The following YEATS2 variants were observed in gnomAD, a reference collection of about 807,000 sequenced individuals.
The protein encoded by YEATS2 is YEATS domain-containing protein 2.
A neutral mutation model predicts 163.2 loss-of-function variants in YEATS2; 77 were observed. The ratio of observed to expected loss-of-function variants is 0.47; its 90% CI spans 0.39 to 0.57. YEATS2 has a LOEUF of 0.57. Among genes scored for constraint, YEATS2 ranks in the 20% least tolerant of loss-of-function variants. The pLI is 0.00. For missense variants in YEATS2, 1,549 were observed against 1,729.8 expected, an observed-to-expected ratio of 0.90 and a Z score of 1.85; for synonymous variants, 631 against 645.1, an observed-to-expected ratio of 0.98 and a Z score of 0.33.
At chr3:183,775,378 A>G (rs1722878115) in intron 17 of YEATS2, among the ~76,000 whole-genome samples, 2 of 152,178 alleles carry the variant, frequency 1.3e-5, no homozygotes, top group African/African-American at 2.4e-5. Flanking sequence ...CGGGCGGATC[A>G]TGAGGTCAGG....
chr3:183,749,925 C>T (rs1719984128), intron 9 of YEATS2, among the ~76,000 whole-genome samples: 1 of 152,170 alleles, frequency 6.6e-6, no homozygotes, highest in African/African-American at 2.4e-5. Flanking sequence ...TCACGCCATT[C>T]TCCTGCCTCA....
intron 8 of YEATS2, among the ~76,000 whole-genome samples, chr3:183,744,198 C>T (rs1349664205): frequency 6.7e-5 from 10 of 148,534 alleles, no homozygotes; most frequent in Non-Finnish European, 1.5e-4. Context: ...CTGCAACCTC[C>T]GCCTCCCAGG....
intron 11 of YEATS2, among the ~76,000 whole-genome samples, chr3:183,755,027 A>G (rs1034292187): frequency 2.6e-5 from 4 of 152,026 alleles, no homozygotes; most frequent in Non-Finnish European, 5.9e-5. Context: ...TGAAGGGGGG[A>G]AAAAAAGAAT....
chr3:183,741,154 G>C (rs1472716774), intron 8 of YEATS2, among the ~76,000 whole-genome samples: 1 of 151,788 alleles, frequency 6.6e-6, no homozygotes, highest in Non-Finnish European at 1.5e-5. Flanking sequence ...GTCCTGGCTG[G>C]TCTCAAACTC....
intron 5 of YEATS2, 29 bp from the exon 6 acceptor site, chr3:183,724,390 G>A (rs1716846233): frequency 1.3e-6 from 2 of 1,521,694 alleles, no homozygotes; most frequent in Non-Finnish European, 1.8e-6. Flanking sequence ...TTCAAAATGA[G>A]AATGGATGTT....
intron 9 of YEATS2, among the ~76,000 whole-genome samples, chr3:183,751,108 A>G (rs1334809597): frequency 6.6e-6 from 1 of 151,934 alleles, no homozygotes; most frequent in African/African-American, 2.4e-5. Context: ...TTTGATCCTG[A>G]GTTAATTTTG....
At chr3:183,762,044 A>G in intron 14 of YEATS2, 53 bp from the exon 15 acceptor site, 1 of 1,611,428 alleles carries the variant, frequency 6.2e-7, no homozygotes, top group Non-Finnish European at 8.5e-7. Flanking sequence ...TAGCAGCTTT[A>G]TAAAATGGGA....
In YEATS2 at chr3:183,807,138, G is replaced by A. The variant is rs116267615; in HGVS notation, c.4011+46G>A. 9,576 of 1,549,770 alleles carry A rather than the reference G, an allele frequency of 6.2e-3. 50 individuals carry two copies. Among genetic ancestry groups the A allele is most frequent in the Non-Finnish European group, 7.1e-3 (8,083 of 1,136,434 alleles). On this transcript the variant is annotated intron_variant, in intron 28 of 30. Coordinates refer to ENST00000305135, the MANE Select transcript of YEATS2 (RefSeq NM_018023.5). ...AGTTCATGCAGCAGACCAGCTCAGA[G>A]CTAGATGTTCAGACGTTCAGCTTCA...
chr3:183,805,854 C>G (rs977739562), intron 27 of YEATS2, among the ~76,000 whole-genome samples: 13 of 151,972 alleles, frequency 8.6e-5, no homozygotes, highest in African/African-American at 2.9e-4. Context: ...TGCAGGATGG[C>G]CTCTCCTTTC....
rs767308852 is a variant in YEATS2 at position 183,728,859 on chromosome 3, C to T, written c.812+8C>T. The T allele has an allele frequency of 3.2e-5, 51 of 1,600,416 alleles. No homozygotes were observed. The highest frequency in any genetic ancestry group is 4.0e-5 in the Non-Finnish European group (47 of 1,175,772). On this transcript the variant is annotated splice_region_variant and intron_variant, in intron 7 of 30. Transcript: ENST00000305135. ...TGACCTTGTGGAAGTTAGGTAAGCACGCTTGAGGTATTTAACCTAAATTGA... is the reference window on the plus strand; with the variant it reads ...TGACCTTGTGGAAGTTAGGTAAGCATGCTTGAGGTATTTAACCTAAATTGA...
intron 19 of YEATS2, among the ~76,000 whole-genome samples, chr3:183,785,515 C>T (rs1464503615): frequency 6.7e-6 from 1 of 149,338 alleles, no homozygotes; most frequent in Non-Finnish European, 1.5e-5. Flanking sequence ...AAAAATCAAC[C>T]AGATGTGGCA....
intron 24 of YEATS2, among the ~76,000 whole-genome samples, chr3:183,800,822 T>G (rs1290277202): frequency 6.6e-6 from 1 of 152,206 alleles, no homozygotes; most frequent in Admixed American, 6.5e-5. Context: ...TCCCTTCAGT[T>G]GAAGTTGCCA....
At position 183,701,237 on chromosome 3, in the gene YEATS2, C is replaced by T. The variant is rs1430384461; in HGVS notation, c.-20+3244C>T. On this transcript the variant is annotated intron_variant, in intron 1 of 30. Coordinates refer to ENST00000305135, the MANE Select transcript of YEATS2 (RefSeq NM_018023.5). ...GTGGGACTACAGGCACCCACCACCT[C>T]GCCTGGCTAAGTTTTTTTGCTTTGT... Among the ~76,000 whole-genome samples the T allele has an allele frequency of 2.0e-4, 30 of 151,376 alleles. 1 individual carries two copies. Among genetic ancestry groups the T allele is most frequent in the Admixed American group, 1.8e-3 (27 of 15,200 alleles).
chr3:183,762,907 G>A (rs1052870651), intron 15 of YEATS2, among the ~76,000 whole-genome samples: 8 of 151,830 alleles, frequency 5.3e-5, no homozygotes, highest in Admixed American at 2.0e-4. Context: ...CAATATTAGC[G>A]GGGTGTGGTG....
At chr3:183,773,583 T>G in intron 16 of YEATS2, 50 bp from the exon 17 acceptor site, 1 of 1,511,664 alleles carries the variant, frequency 6.6e-7, no homozygotes, top group Non-Finnish European at 8.9e-7. Flanking sequence ...TTTAGAGTGT[T>G]GCCCTTAGTT....
intron 10 of YEATS2, 140 bp downstream of exon 10, chr3:183,752,393 A>G (rs1206175346): frequency 9.2e-7 from 1 of 1,083,342 alleles, no homozygotes; most frequent in Non-Finnish European, 1.3e-6. Flanking sequence ...CTGTTATGAA[A>G]GCCAAATTTC....
At chr3:183,772,150 C>T (rs1373659252) in intron 15 of YEATS2, among the ~76,000 whole-genome samples, 155 bp from the exon 16 acceptor site, 3 of 152,124 alleles carry the variant, frequency 2.0e-5, no homozygotes, top group African/African-American at 7.2e-5. Flanking sequence ...GTAAGAAATA[C>T]AGTTGCCGTT....
chr3:183,786,021 G>T, intron 19 of YEATS2, 104 bp from the exon 20 acceptor site: 1 of 1,332,352 alleles, frequency 7.5e-7, no homozygotes, highest in Non-Finnish European at 1.0e-6. Flanking sequence ...AGACTTTCTT[G>T]GTTATTCTCC....
At chr3:183,715,424 G>C (rs914418623) in intron 2 of YEATS2, among the ~76,000 whole-genome samples, 162 bp downstream of exon 2, 1 of 152,160 alleles carries the variant, frequency 6.6e-6, no homozygotes, top group African/African-American at 2.4e-5. Context: ...TACACCATGT[G>C]TGCTGTAAAA....
Sources: allele counts gnomAD v4.1 joint callset (sites outside exome capture counted in the v4.1 genomes callset), GRCh38; gene constraint gnomAD v4.1.1; transcripts MANE v1.5; gene names NCBI Gene and HGNC (gene_info 2026-07-23, HGNC 2026-07-21).